The following COBLL1 variants were observed in gnomAD, a reference collection of about 807,000 sequenced individuals.
COBLL1 encodes cordon-bleu protein-like 1.
Under a neutral mutation model 94.8 loss-of-function variants are expected in COBLL1, and 50 were observed. The ratio of observed to expected loss-of-function variants is 0.53; its 90% confidence interval spans 0.42 to 0.67. COBLL1 has a LOEUF of 0.67. Ranked by LOEUF, COBLL1 falls within the 30% of genes least tolerant of loss-of-function variation. The probability of loss-of-function intolerance (pLI) is 0.00; values close to 1 mark genes in which losing one functional copy is unlikely to be tolerated. For synonymous variants in COBLL1, 448 were observed against 473.8 expected, an observed-to-expected ratio of 0.95 and a Z score of 0.71; for missense variants, 1,362 against 1,348.7, an observed-to-expected ratio of 1.01 and a Z score of -0.15.
intron 9 of COBLL1, among the ~76,000 whole-genome samples, chr2:164,702,558 CA>C (rs56011410): frequency 0.17 from 13,562 of 81,818 alleles, 473 homozygotes; most frequent in African/African-American, 0.19. Context: ...TGAGACTCCT[CA>C]AAAAAAAAAA....
rs1213926287 is a variant in COBLL1 at position 164,829,984 on chromosome 2, G to A, written c.41+11172C>T. On this transcript the variant is annotated intron_variant, in intron 2 of 13. Transcript: ENST00000652658. ...TTGGTGTGACATAGATCCACATTCT[G>A]AAAAAAAGAGAGTCCTAGGGCCATG... Among the ~76,000 whole-genome samples the A allele has an allele frequency of 3.3e-5, 5 of 151,992 alleles. No homozygotes were observed. The South Asian group carries it at 6.2e-4, about 19-fold the overall frequency.
At chr2:164,677,290 A>G (rs1450203949), downstream of COBLL1, among the ~76,000 whole-genome samples, 1 of 152,028 alleles carries the variant, frequency 6.6e-6, no homozygotes. Flanking sequence ...TCCAAAGCGT[A>G]CTGCAAACAT....
rs777983330 is a variant in COBLL1 at position 164,728,245 on chromosome 2, AAC to A, written c.433-50_433-49del. 5.3e-6 allele frequency: 6 copies of A among 1,141,106 alleles called. No individual in the cohort carries two copies. In the Admixed American group the frequency reaches 1.0e-4, roughly 20 times the overall value. 70.7% of individuals were successfully genotyped at this position (1,141,106 alleles called of 1,614,324 possible). ...AGTTGTACCATAATTCACTGAAACAAACACTCTACAATAATGTCTAGAATAAT... is the reference window on the plus strand; with the variant it reads ...AGTTGTACCATAATTCACTGAAACAAACTCTACAATAATGTCTAGAATAAT... On this transcript the variant is annotated intron_variant, in intron 4 of 13. Transcript: ENST00000652658.
intron 7 of COBLL1, among the ~76,000 whole-genome samples, chr2:164,711,175 G>A: frequency 6.6e-6 from 1 of 152,108 alleles, no homozygotes; most frequent in Non-Finnish European, 1.5e-5. Context: ...ATGTCAAAAG[G>A]GGCTGGGATA....
At chr2:164,720,462 T>C (rs1685388026) in intron 7 of COBLL1, among the ~76,000 whole-genome samples, 1 of 152,048 alleles carries the variant, frequency 6.6e-6, no homozygotes, top group Non-Finnish European at 1.5e-5. Flanking sequence ...CTGAAATAGA[T>C]TGGATGAGGA....
At chr2:164,763,582 T>A (rs937796573) in intron 2 of COBLL1, among the ~76,000 whole-genome samples, 15 of 152,094 alleles carry the variant, frequency 9.9e-5, no homozygotes, top group African/African-American at 3.6e-4. Context: ...CAAATATCCA[T>A]GAAGTATAGA....
At chr2:164,842,017 A>G (rs1254762712), upstream of COBLL1, 3 of 1,539,388 alleles carry the variant, frequency 1.9e-6, no homozygotes, top group African/African-American at 4.1e-5. Context: ...GCACGGCCGC[A>G]CATAAGTGGG....
At chr2:164,817,246 A>C (rs1684802283) in intron 2 of COBLL1, among the ~76,000 whole-genome samples, 1 of 152,122 alleles carries the variant, frequency 6.6e-6, no homozygotes, top group Non-Finnish European at 1.5e-5. Flanking sequence ...TTCAAGGCTG[A>C]GAAAGACTGA....
At chr2:164,801,619 A>G (rs933095719) in intron 2 of COBLL1, among the ~76,000 whole-genome samples, 1 of 151,334 alleles carries the variant, frequency 6.6e-6, no homozygotes, top group African/African-American at 2.4e-5. Flanking sequence ...GCCTATCTCA[A>G]TTTTTTTTTA....
chr2:164,821,906 G>T (rs568787373), intron 2 of COBLL1, among the ~76,000 whole-genome samples: 3 of 152,188 alleles, frequency 2.0e-5, no homozygotes, highest in Admixed American at 6.5e-5. Context: ...ACTGAGAGTG[G>T]TGAGCTTAAA....
At chr2:164,745,675 CT>C (rs1686825235) in intron 2 of COBLL1, among the ~76,000 whole-genome samples, 1 of 152,102 alleles carries the variant, frequency 6.6e-6, no homozygotes, top group East Asian at 1.9e-4. Context: ...GAAAACACAA[CT>C]TTCTTAGGAA....
At position 164,694,684 on chromosome 2, in the gene COBLL1, TCTTTATTTGTCAGTTC is replaced by T; in HGVS notation, c.2692_2707del (p.Glu898ArgfsTer17). 1 of 1,613,848 alleles carries T rather than the reference TCTTTATTTGTCAGTTC, an allele frequency of 6.2e-7. No individual in the cohort carries two copies. Among genetic ancestry groups the T allele is most frequent in the Non-Finnish European group, 8.5e-7 (1 of 1,179,950 alleles). ...AGAAGGCAGCATATCCCTTTCTGCC[TCTTTATTTGTCAGTTC>T]TTTTGGAGCAGGATTAGGGGCAGCA... On this transcript the variant is annotated frameshift_variant, in exon 12 of 14. Transcript: ENST00000652658. LOFTEE classifies it high-confidence loss of function.
intron 2 of COBLL1, chr2:164,761,410 C>T (rs1263912084): frequency 6.6e-6 from 1 of 150,548 alleles, no homozygotes; most frequent in Non-Finnish European, 1.5e-5. Context: ...GAGCCAAGCT[C>T]GCATCATTGC....
chr2:164,756,845 G>A (rs952484374), intron 2 of COBLL1, among the ~76,000 whole-genome samples: 1 of 152,156 alleles, frequency 6.6e-6, no homozygotes, highest in Non-Finnish European at 1.5e-5. Flanking sequence ...CAGAGTCAGA[G>A]ATCGTGGTTT....
At chr2:164,790,391 A>G (rs1683127574) in intron 2 of COBLL1, among the ~76,000 whole-genome samples, 2 of 152,136 alleles carry the variant, frequency 1.3e-5, no homozygotes, top group Non-Finnish European at 2.9e-5. Flanking sequence ...TCATTATCCC[A>G]CATGATTTGT....
intron 8 of COBLL1, 66 bp downstream of exon 8, chr2:164,704,886 C>T: frequency 7.0e-7 from 1 of 1,426,404 alleles, no homozygotes; most frequent in Non-Finnish European, 9.4e-7. Context: ...ATACCCATAT[C>T]TTTCCTACTG....
chr2:164,678,632 C>T (rs1682906115), downstream of COBLL1, among the ~76,000 whole-genome samples: 1 of 151,936 alleles, frequency 6.6e-6, no homozygotes, highest in South Asian at 2.1e-4. Flanking sequence ...TTCATTAAGA[C>T]AATTTAAATA....
chr2:164,779,379 C>T (rs891670807), intron 2 of COBLL1, among the ~76,000 whole-genome samples: 1 of 152,080 alleles, frequency 6.6e-6, no homozygotes, highest in Non-Finnish European at 1.5e-5. Context: ...TCTGGGCTAT[C>T]CCAGTCTTCT....
chr2:164,784,256 C>G (rs1688841922), intron 2 of COBLL1, among the ~76,000 whole-genome samples: 1 of 152,164 alleles, frequency 6.6e-6, no homozygotes, highest in East Asian at 1.9e-4. Flanking sequence ...TTAAGATCCA[C>G]AAAGGGAGTA....
Sources: gnomAD v4.1 joint callset for allele counts (sites outside exome capture counted in the v4.1 genomes callset) on GRCh38, gnomAD v4.1.1 for gene constraint, MANE v1.5 for transcripts, NCBI Gene and HGNC (gene_info 2026-07-23, HGNC 2026-07-21) for gene names.